Variants in TENM3 observed in about 807,000 individuals in gnomAD.
The protein encoded by TENM3 is teneurin-3.
In TENM3, 63 loss-of-function variants were observed where a neutral mutation model predicts 255.1. The ratio of observed to expected loss-of-function variants is 0.25; its 90% CI spans 0.20 to 0.30. TENM3 has a LOEUF of 0.30. Ranked by LOEUF, TENM3 falls within the 10% of genes least tolerant of loss-of-function variation. The pLI is 1.00. For missense variants in TENM3, 2,929 were observed against 3,461.1 expected (o/e 0.85, Z 3.86); for synonymous variants, 1,306 against 1,322.3 (o/e 0.99, Z 0.27).
intron 3 of TENM3, among the ~76,000 whole-genome samples, chr4:182,347,987 C>T (rs919622206): frequency 2.0e-5 from 3 of 152,124 alleles, no homozygotes; most frequent in Non-Finnish European, 4.4e-5. Flanking sequence ...AATAGGAAAG[C>T]GGATCTATTG....
At chr4:182,571,915 G>C (rs1470004550) in intron 3 of TENM3, among the ~76,000 whole-genome samples, 1 of 151,910 alleles carries the variant, frequency 6.6e-6, no homozygotes, top group African/African-American at 2.4e-5. Context: ...TGTTGTTGTT[G>C]TTTTGAGACA....
At chr4:181,888,532 A>ATATATATATATATATT in the TENM3 span, among the ~76,000 whole-genome samples, 1 of 78,750 alleles carries the variant, frequency 1.3e-5, no homozygotes, top group Non-Finnish European at 2.7e-5. Context: ...ATATACATAT[A>ATATATATATATATATT]TGTGTATATA....
intron 4 of TENM3, among the ~76,000 whole-genome samples, chr4:182,620,154 A>G (rs6843930): frequency 0.21 from 31,491 of 152,146 alleles, 3,982 homozygotes; most frequent in South Asian, 0.33. Flanking sequence ...GGAAGAGACT[A>G]ATGACACACA....
At chr4:181,888,061 G>A in the TENM3 span, among the ~76,000 whole-genome samples, 1 of 151,816 alleles carries the variant, frequency 6.6e-6, no homozygotes, top group Non-Finnish European at 1.5e-5. Flanking sequence ...ACAGAGTCTT[G>A]CTCTGCTGCC....
the TENM3 span, among the ~76,000 whole-genome samples, chr4:182,092,711 A>AT: frequency 1.2e-4 from 19 of 152,206 alleles, no homozygotes; most frequent in Middle Eastern, 3.4e-3. Context: ...TCCATTAGAG[A>AT]TTTTTTTTCT....
intron 3 of TENM3, among the ~76,000 whole-genome samples, chr4:182,421,539 G>A (rs1409801471): frequency 1.3e-5 from 2 of 152,140 alleles, no homozygotes; most frequent in African/African-American, 4.8e-5. Context: ...CAGAAGAGAA[G>A]ACTTACTTCT....
At chr4:181,599,501 A>G in the TENM3 span, among the ~76,000 whole-genome samples, 1 of 152,232 alleles carries the variant, frequency 6.6e-6, no homozygotes, top group East Asian at 1.9e-4. Context: ...ACAACTTATC[A>G]GTGGTAAAGT....
At chr4:182,291,040 C>G (rs7698960) in intron 1 of TENM3, among the ~76,000 whole-genome samples, 21,642 of 151,992 alleles carry the variant, frequency 0.14, 1,748 homozygotes, top group Middle Eastern at 0.21. Context: ...AGGCTGGTCT[C>G]GAATGCCTGA....
intron 3 of TENM3, among the ~76,000 whole-genome samples, chr4:182,434,174 CA>C (rs1771875427): frequency 6.6e-6 from 1 of 150,928 alleles, no homozygotes; most frequent in Non-Finnish European, 1.5e-5. Flanking sequence ...ATGGATGGAA[CA>C]GATCATTGTG....
chr4:181,977,020 C>A, the TENM3 span, among the ~76,000 whole-genome samples: 8 of 152,144 alleles, frequency 5.3e-5, no homozygotes, highest in Admixed American at 3.3e-4. Flanking sequence ...AGAATGCACC[C>A]CTCCTTTGCT....
chr4:181,811,198 A>T, the TENM3 span, among the ~76,000 whole-genome samples: 1 of 152,162 alleles, frequency 6.6e-6, no homozygotes, highest in Non-Finnish European at 1.5e-5. Context: ...TGAAAGGATC[A>T]CTTGACAGGC....
chr4:182,411,541 C>T (rs1185755843), intron 3 of TENM3, among the ~76,000 whole-genome samples: 1 of 152,148 alleles, frequency 6.6e-6, no homozygotes, highest in Non-Finnish European at 1.5e-5. Flanking sequence ...CTCCCACCCT[C>T]AGATATTCAC....
At chr4:181,916,026 G>T in the TENM3 span, among the ~76,000 whole-genome samples, 1 of 152,060 alleles carries the variant, frequency 6.6e-6, no homozygotes. Flanking sequence ...TCTAAAATCC[G>T]TATCAGGCCC....
intron 3 of TENM3, among the ~76,000 whole-genome samples, chr4:182,552,268 C>G (rs1318640115): frequency 6.6e-6 from 1 of 152,084 alleles, no homozygotes; most frequent in Non-Finnish European, 1.5e-5. Context: ...GATGCCCTCC[C>G]CGCCACCATC....
intron 3 of TENM3, among the ~76,000 whole-genome samples, chr4:182,360,750 T>G (rs1765908564): frequency 1.3e-5 from 2 of 152,124 alleles, no homozygotes; most frequent in Admixed American, 6.5e-5. Flanking sequence ...ATGTGTGAAT[T>G]TGAACCTGTC....
chr4:182,582,099 A>G (rs1336644853), intron 3 of TENM3, among the ~76,000 whole-genome samples: 2 of 152,186 alleles, frequency 1.3e-5, no homozygotes, highest in East Asian at 3.8e-4. Context: ...TAACGGAAGA[A>G]TGCTTCTGCT....
the TENM3 span, among the ~76,000 whole-genome samples, chr4:181,660,371 C>T: frequency 6.6e-6 from 1 of 152,114 alleles, no homozygotes; most frequent in Non-Finnish European, 1.5e-5. Flanking sequence ...CATTACTGTA[C>T]ATTTTTGACA....
At chr4:181,508,747 C>T in the TENM3 span, among the ~76,000 whole-genome samples, 3 of 152,060 alleles carry the variant, frequency 2.0e-5, no homozygotes, top group South Asian at 2.1e-4. Flanking sequence ...TTGAATGTAG[C>T]TTGGTCTATT....
intron 12 of TENM3, among the ~76,000 whole-genome samples, chr4:182,699,303 T>G: frequency 6.6e-6 from 1 of 152,206 alleles, no homozygotes; most frequent in East Asian, 1.9e-4. Flanking sequence ...CATAAGCAAC[T>G]TGAGGATTTG....
Sources: gnomAD v4.1 joint callset for allele counts (sites outside exome capture counted in the v4.1 genomes callset) on GRCh38, gnomAD v4.1.1 for gene constraint, MANE v1.5 for transcripts, NCBI Gene and HGNC (gene_info 2026-07-23, HGNC 2026-07-21) for gene names.